The following PTPRD variants were observed in gnomAD, a reference collection of about 807,000 sequenced individuals.
PTPRD encodes protein tyrosine phosphatase receptor type D, also known as receptor-type tyrosine-protein phosphatase delta.
A neutral mutation model predicts 214.5 loss-of-function variants in PTPRD; 34 were observed. The ratio of observed to expected loss-of-function variants is 0.16; its 90% confidence interval spans 0.12 to 0.21. PTPRD has a LOEUF of 0.21. Ranked by LOEUF, PTPRD falls within the 10% of genes least tolerant of loss-of-function variation. The pLI, the probability that PTPRD is intolerant of heterozygous loss-of-function variation, is 1.00. For synonymous variants in PTPRD, 1,128 were observed against 845.7 expected (o/e 1.33, Z -5.79); for missense variants, 2,545 against 2,398.7 (o/e 1.06, Z -1.27).
intron 10 of PTPRD, among the ~76,000 whole-genome samples, chr9:9,021,807 A>T (rs566202941): frequency 1.2e-4 from 19 of 152,314 alleles, no homozygotes; most frequent in South Asian, 2.1e-4. Flanking sequence ...GTATAGAATG[A>T]TAATACAAAG....
At chr9:9,952,591 G>A (rs2093556011) in intron 4 of PTPRD, among the ~76,000 whole-genome samples, 1 of 152,124 alleles carries the variant, frequency 6.6e-6, no homozygotes, top group South Asian at 2.1e-4. Flanking sequence ...TGAATGGAAG[G>A]CTGGTTTTAC....
intron 14 of PTPRD, among the ~76,000 whole-genome samples, chr9:8,577,490 G>A (rs1252999038): frequency 3.3e-5 from 5 of 152,052 alleles, no homozygotes; most frequent in Non-Finnish European, 7.4e-5. Context: ...CCCGACCTCA[G>A]GTGATCCGCC....
At chr9:9,463,441 AGAGCAAGT>A (rs1407666417) in intron 8 of PTPRD, among the ~76,000 whole-genome samples, 1 of 152,022 alleles carries the variant, frequency 6.6e-6, no homozygotes, top group African/African-American at 2.4e-5. Flanking sequence ...AGAGTGCAAG[AGAGCAAGT>A]GAGCAAGCAA....
At chr9:10,253,851 C>T (rs563118289) in intron 3 of PTPRD, among the ~76,000 whole-genome samples, 1 of 152,188 alleles carries the variant, frequency 6.6e-6, no homozygotes, top group African/African-American at 2.4e-5. Flanking sequence ...TGTAGTTCTT[C>T]ATCAGGAAAG....
At chr9:10,366,817 C>A (rs1398962081) in intron 2 of PTPRD, among the ~76,000 whole-genome samples, 4 of 152,120 alleles carry the variant, frequency 2.6e-5, no homozygotes, top group Non-Finnish European at 4.4e-5. Flanking sequence ...ACTCATAATT[C>A]TCCTTGGCAA....
At chr9:9,046,388 A>C (rs1442362941) in intron 10 of PTPRD, among the ~76,000 whole-genome samples, 1 of 152,186 alleles carries the variant, frequency 6.6e-6, no homozygotes, top group Non-Finnish European at 1.5e-5. Flanking sequence ...AATTGTTTTT[A>C]TAAAATTTTC....
chr9:9,066,400 T>TAAAA (rs1490130850), intron 10 of PTPRD, among the ~76,000 whole-genome samples: 1 of 152,198 alleles, frequency 6.6e-6, no homozygotes, highest in Non-Finnish European at 1.5e-5. Context: ...TAGTCTGTGT[T>TAAAA]TTTCTAAAAA....
chr9:9,944,251 G>T (rs2092181702), intron 4 of PTPRD, among the ~76,000 whole-genome samples: 1 of 152,094 alleles, frequency 6.6e-6, no homozygotes, highest in East Asian at 1.9e-4. Context: ...ACCTATAGTA[G>T]ATATCTACTT....
At chr9:8,412,820 A>T (rs1320956117) in intron 35 of PTPRD, among the ~76,000 whole-genome samples, 1 of 152,208 alleles carries the variant, frequency 6.6e-6, no homozygotes, top group African/African-American at 2.4e-5. Flanking sequence ...TGTAATTTGC[A>T]AACTGATTTA....
chr9:8,758,794 G>A (rs1044080179), intron 11 of PTPRD, among the ~76,000 whole-genome samples: 2 of 149,446 alleles, frequency 1.3e-5, no homozygotes, highest in African/African-American at 5.0e-5. Flanking sequence ...GTCTCGCTCT[G>A]TCACCCAGGC....
intron 3 of PTPRD, among the ~76,000 whole-genome samples, chr9:10,274,058 G>T (rs10809055): frequency 0.42 from 64,059 of 151,722 alleles, 15,108 homozygotes; most frequent in East Asian, 0.55. Flanking sequence ...TCATTTAATG[G>T]CTGTGGGTTT....
intron 23 of PTPRD, among the ~76,000 whole-genome samples, chr9:8,502,698 G>C (rs1459429569): frequency 6.6e-6 from 1 of 151,806 alleles, no homozygotes; most frequent in East Asian, 1.9e-4. Flanking sequence ...TTTTTAAAAA[G>C]CTGATTTGGT....
chr9:8,864,152 T>C (rs1462876257), intron 11 of PTPRD, among the ~76,000 whole-genome samples: 1 of 152,254 alleles, frequency 6.6e-6, no homozygotes. Context: ...ACTCTGTTTC[T>C]CTATCTGTAG....
At chr9:9,321,667 G>A (rs965832741) in intron 9 of PTPRD, among the ~76,000 whole-genome samples, 1 of 151,978 alleles carries the variant, frequency 6.6e-6, no homozygotes, top group East Asian at 1.9e-4. Flanking sequence ...TTCAGAGATT[G>A]ACCATTTTCA....
At chr9:8,763,133 T>A (rs1194189759) in intron 11 of PTPRD, among the ~76,000 whole-genome samples, 1 of 152,150 alleles carries the variant, frequency 6.6e-6, no homozygotes, top group Non-Finnish European at 1.5e-5. Flanking sequence ...TTCAAGCTAC[T>A]GAAGATCTCA....
chr9:8,504,194 G>T, intron 23 of PTPRD, 67 bp downstream of exon 23: 1 of 1,538,720 alleles, frequency 6.5e-7, no homozygotes, highest in Non-Finnish European at 9.0e-7. Context: ...TATTGGTGAA[G>T]GTGAAAGCTA....
intron 5 of PTPRD, among the ~76,000 whole-genome samples, chr9:9,791,366 G>T (rs1215785116): frequency 6.6e-6 from 1 of 152,060 alleles, no homozygotes; most frequent in Non-Finnish European, 1.5e-5. Flanking sequence ...GACTTTAAAA[G>T]ATGGTAAATG....
chr9:9,220,564 C>T (rs1443836164), intron 9 of PTPRD, among the ~76,000 whole-genome samples: 1 of 151,976 alleles, frequency 6.6e-6, no homozygotes. Flanking sequence ...AGGGGATGCT[C>T]CATGATATAA....
At chr9:10,390,786 T>C (rs2098045818) in intron 2 of PTPRD, among the ~76,000 whole-genome samples, 2 of 151,758 alleles carry the variant, frequency 1.3e-5, no homozygotes, top group South Asian at 4.1e-4. Context: ...GATTTATTCA[T>C]ATGACACATG....
Sources: gnomAD v4.1 joint callset for allele counts (sites outside exome capture counted in the v4.1 genomes callset) on GRCh38, gnomAD v4.1.1 for gene constraint, MANE v1.5 for transcripts, NCBI Gene and HGNC (gene_info 2026-07-23, HGNC 2026-07-21) for gene names.